Variants in NTM observed in about 807,000 individuals in gnomAD.
NTM encodes the protein IgLON family member 2.
Under a neutral mutation model 42.1 loss-of-function variants are expected in NTM, and 13 were observed. The observed-to-expected ratio is 0.31, with a 90% CI of 0.20 to 0.49. The LOEUF is 0.49. Ranked by LOEUF, NTM falls within the 20% of genes least tolerant of loss-of-function variation. The pLI, the probability that NTM is intolerant of heterozygous loss-of-function variation, is 0.99. For missense variants in NTM, 373 were observed against 452.8 expected, an observed-to-expected ratio of 0.82 and a Z score of 1.60; for synonymous variants, 187 against 179.2, an observed-to-expected ratio of 1.04 and a Z score of -0.35.
chr11:131,965,483 ATTATT>A (rs1176343546), intron 2 of NTM, among the ~76,000 whole-genome samples: 1 of 152,248 alleles, frequency 6.6e-6, no homozygotes, highest in Non-Finnish European at 1.5e-5. Flanking sequence ...GCATCGGCAC[ATTATT>A]TTAATTAATT....
At chr11:131,655,482 C>G (rs974205695) in intron 1 of NTM, among the ~76,000 whole-genome samples, 1 of 152,226 alleles carries the variant, frequency 6.6e-6, no homozygotes, top group African/African-American at 2.4e-5. Context: ...CAGCAACAAC[C>G]TCCAGGGCTT....
At chr11:131,394,822 A>T (rs1944381678) in intron 1 of NTM, among the ~76,000 whole-genome samples, 1 of 151,808 alleles carries the variant, frequency 6.6e-6, no homozygotes, top group Non-Finnish European at 1.5e-5. Flanking sequence ...TGGTCAATTC[A>T]CTCCTTCCTT....
intron 1 of NTM, among the ~76,000 whole-genome samples, chr11:131,589,727 C>A (rs142188062): frequency 6.6e-5 from 10 of 152,118 alleles, no homozygotes; most frequent in African/African-American, 9.7e-5. Context: ...TACACACATG[C>A]GCACACACAT....
chr11:132,297,199 C>A (rs1167203784), intron 4 of NTM, among the ~76,000 whole-genome samples: 1 of 152,178 alleles, frequency 6.6e-6, no homozygotes, highest in Non-Finnish European at 1.5e-5. Context: ...TTGTAGTTTT[C>A]TCCCAGAATC....
At chr11:131,815,059 T>C (rs1173666064) in intron 1 of NTM, among the ~76,000 whole-genome samples, 1 of 152,130 alleles carries the variant, frequency 6.6e-6, no homozygotes, top group Non-Finnish European at 1.5e-5. Flanking sequence ...AATGCAAGCA[T>C]GATCACCTCG....
At chr11:131,819,031 G>T (rs1281373632) in intron 1 of NTM, among the ~76,000 whole-genome samples, 1 of 152,186 alleles carries the variant, frequency 6.6e-6, no homozygotes, top group Non-Finnish European at 1.5e-5. Flanking sequence ...AGGACACTGA[G>T]ATTTGAAGTT....
At chr11:132,065,551 A>G (rs2056347267) in intron 2 of NTM, among the ~76,000 whole-genome samples, 2 of 152,092 alleles carry the variant, frequency 1.3e-5, no homozygotes, top group Non-Finnish European at 2.9e-5. Flanking sequence ...TCTAGGTTAC[A>G]GTATCTCGTA....
chr11:132,045,899 A>G (rs2077918195), intron 2 of NTM, among the ~76,000 whole-genome samples: 1 of 152,218 alleles, frequency 6.6e-6, no homozygotes, highest in African/African-American at 2.4e-5. Flanking sequence ...GATCTGGAGC[A>G]GTGTTGTTTT....
chr11:132,141,420 C>T (rs1447806500), intron 2 of NTM, among the ~76,000 whole-genome samples: 1 of 152,138 alleles, frequency 6.6e-6, no homozygotes, highest in East Asian at 1.9e-4. Flanking sequence ...TGTGTAAATG[C>T]AGCATGTGTA....
Position 132,221,585 on chromosome 11 carries a change from A to C in NTM, c.526+9438A>C, listed in dbSNP as rs547568557. On this transcript the variant is annotated intron_variant, in intron 4 of 8. Coordinates refer to ENST00000683400, the MANE Select transcript of NTM (RefSeq NM_001352005.2). ...TGCATCAACCAGCATCACCTAGTTC[A>C]TGCCCCAGCCTTACTGAACGACAGC... 1.9e-4 allele frequency among the ~76,000 whole-genome samples: 29 copies of C among 152,222 alleles called. No homozygotes were observed. The Middle Eastern group carries it at 0.02, about 107-fold the overall frequency.
At chr11:131,671,081 C>T (rs1413918218) in intron 1 of NTM, among the ~76,000 whole-genome samples, 1 of 152,166 alleles carries the variant, frequency 6.6e-6, no homozygotes, top group Admixed American at 6.5e-5. Context: ...TTTCTTCTGA[C>T]CCTTCCTCCC....
intron 2 of NTM, among the ~76,000 whole-genome samples, chr11:132,071,589 AG>A (rs2057680045): frequency 6.6e-6 from 1 of 152,190 alleles, no homozygotes; most frequent in Admixed American, 6.5e-5. Context: ...TTATAATGGG[AG>A]TGTGGGGAAG....
chr11:131,526,296 C>G (rs534763303), intron 1 of NTM, among the ~76,000 whole-genome samples: 19 of 152,234 alleles, frequency 1.2e-4, no homozygotes, highest in Non-Finnish European at 2.6e-4. Flanking sequence ...AAGTATTTCT[C>G]TGCACCCCAG....
chr11:131,402,513 TCA>T (rs2135696778), intron 1 of NTM, among the ~76,000 whole-genome samples: 1 of 148,748 alleles, frequency 6.7e-6, no homozygotes, highest in East Asian at 2.0e-4. Context: ...AAAAAAGGAG[TCA>T]CACAGAAGAT....
intron 1 of NTM, among the ~76,000 whole-genome samples, chr11:131,400,098 C>A (rs1944973905): frequency 7.0e-6 from 1 of 142,842 alleles, no homozygotes; most frequent in Non-Finnish European, 1.5e-5. Context: ...AGATGGATAT[C>A]TAGCTACCCT....
chr11:132,072,203 C>G (rs1026526379), intron 2 of NTM, among the ~76,000 whole-genome samples: 1 of 152,126 alleles, frequency 6.6e-6, no homozygotes, highest in Non-Finnish European at 1.5e-5. Context: ...GGCTGCAAAC[C>G]CCCCAAGCAG....
chr11:132,169,854 C>T (rs1014191129), intron 3 of NTM, among the ~76,000 whole-genome samples: 2 of 152,146 alleles, frequency 1.3e-5, no homozygotes, highest in African/African-American at 4.8e-5. Flanking sequence ...TTCTGTTCAT[C>T]CCATCTTTCT....
chr11:131,754,364 C>T (rs2135733658), intron 1 of NTM, among the ~76,000 whole-genome samples: 1 of 152,170 alleles, frequency 6.6e-6, no homozygotes, highest in East Asian at 1.9e-4. Context: ...GTGGTGTGTG[C>T]CTGTAATCCC....
chr11:131,664,354 CCT>C (rs2068615930), intron 1 of NTM, among the ~76,000 whole-genome samples: 1 of 152,146 alleles, frequency 6.6e-6, no homozygotes, highest in Admixed American at 6.5e-5. Flanking sequence ...TGAAAAATCC[CCT>C]CTCATCATAG....
Sources: gnomAD v4.1 joint callset for allele counts (sites outside exome capture counted in the v4.1 genomes callset) on GRCh38, gnomAD v4.1.1 for gene constraint, MANE v1.5 for transcripts, NCBI Gene and HGNC (gene_info 2026-07-23, HGNC 2026-07-21) for gene names.